PRKG1: variants seen among roughly 807,000 people sequenced by gnomAD.
PRKG1 encodes the protein cGMP-dependent protein kinase 1.
In PRKG1, 35 loss-of-function variants were observed where a neutral mutation model predicts 88.1. The observed-to-expected ratio is 0.40, with a 90% CI of 0.30 to 0.53. The LOEUF (loss-of-function observed/expected upper bound fraction) is 0.53. PRKG1 is among the 20% of genes least tolerant of loss of function. The pLI, the probability that PRKG1 is intolerant of heterozygous loss-of-function variation, is 0.59. For synonymous variants in PRKG1, 303 were observed against 292.5 expected (o/e 1.04, Z -0.37); for missense variants, 540 against 839.8 (o/e 0.64, Z 4.41).
At chr10:51,042,080 C>T (rs1843432018) in intron 1 of PRKG1, among the ~76,000 whole-genome samples, 1 of 152,144 alleles carries the variant, frequency 6.6e-6, no homozygotes, top group Non-Finnish European at 1.5e-5. Flanking sequence ...CACCTGTAAG[C>T]CCAGCTCATT....
intron 3 of PRKG1, among the ~76,000 whole-genome samples, chr10:51,538,417 T>C (rs1842217138): frequency 6.7e-6 from 1 of 148,386 alleles, no homozygotes; most frequent in Admixed American, 6.8e-5. Flanking sequence ...ATACATATAA[T>C]ATATGATATA....
chr10:51,311,968 T>C (rs990377222), intron 2 of PRKG1, among the ~76,000 whole-genome samples: 2 of 152,036 alleles, frequency 1.3e-5, no homozygotes, highest in African/African-American at 4.8e-5. Context: ...GCCTCCCGGG[T>C]TCAAGTGATT....
At chr10:51,855,340 C>A (rs773561758) in intron 4 of PRKG1, among the ~76,000 whole-genome samples, 1 of 152,112 alleles carries the variant, frequency 6.6e-6, no homozygotes, top group Non-Finnish European at 1.5e-5. Context: ...AACTGGAGAT[C>A]TTCTTGCTGG....
At chr10:52,239,556 A>C (rs1240273300) in intron 9 of PRKG1, among the ~76,000 whole-genome samples, 1 of 144,922 alleles carries the variant, frequency 6.9e-6, no homozygotes, top group Non-Finnish European at 1.5e-5. Context: ...GAATTGTCAT[A>C]ATAGGCCTGA....
chr10:51,145,021 A>T (rs1288702599), intron 1 of PRKG1, among the ~76,000 whole-genome samples: 1 of 84,194 alleles, frequency 1.2e-5, no homozygotes, highest in African/African-American at 9.6e-5. Context: ...TAAGTCAACA[A>T]GCATCTTAAC....
At chr10:52,062,905 C>A (rs759373556) in intron 7 of PRKG1, 28 of 672,900 alleles carry the variant, frequency 4.2e-5, no homozygotes, top group Non-Finnish European at 6.5e-5. Context: ...ATCTCTATAA[C>A]AACTTCAAAG....
rs149742437 is a variant in PRKG1, at chr10:51,226,756, G to A, written c.478+73426G>A. 3.0e-3 allele frequency among the ~76,000 whole-genome samples: 453 copies of A among 152,206 alleles called. 1 individual carries two copies. The highest frequency in any genetic ancestry group is 0.01 in the African/African-American group (421 of 41,536). ...TTTAATTTTTTCAAATTATGGATGT[G>A]GAGGAAGAAATGAATTAACTCTGAA... On this transcript the variant is annotated intron_variant, in intron 2 of 17. Coordinates refer to ENST00000373980, the MANE Select transcript of PRKG1 (RefSeq NM_006258.4).
chr10:51,969,674 A>C lies in PRKG1; in HGVS notation c.762+62104A>C, dbSNP rs374983835. ...ATATAAAAAGGAGCTCAAAACCATT[A>C]GTTTTCAGAGAAATGAGAAAGGCAA... is the stretch of plus-strand genomic sequence containing the variant. On this transcript the variant is annotated intron_variant, in intron 5 of 17. Transcript: ENST00000373980. Among the ~76,000 whole-genome samples the C allele has an allele frequency of 1.3e-4, 20 of 152,070 alleles. No homozygotes were observed. The East Asian group carries it at 1.7e-3, about 13-fold the overall frequency.
intron 2 of PRKG1, among the ~76,000 whole-genome samples, chr10:51,459,248 A>G (rs967424897): frequency 3.8e-4 from 58 of 152,134 alleles, no homozygotes; most frequent in African/African-American, 1.4e-3. Flanking sequence ...AACAGACTTT[A>G]CTAAGAATTT....
intron 4 of PRKG1, among the ~76,000 whole-genome samples, chr10:51,903,346 T>C (rs1238206214): frequency 6.6e-6 from 1 of 152,120 alleles, no homozygotes; most frequent in African/African-American, 2.4e-5. Flanking sequence ...TAGATGATAG[T>C]GTAGATTTAT....
chr10:51,811,541 T>C (rs945343681), intron 4 of PRKG1, among the ~76,000 whole-genome samples: 4 of 152,186 alleles, frequency 2.6e-5, no homozygotes, highest in African/African-American at 7.2e-5. Context: ...ATTCTACTGA[T>C]GAGAGAACTG....
At chr10:51,219,098 A>G (rs1174340841) in intron 2 of PRKG1, among the ~76,000 whole-genome samples, 1 of 152,222 alleles carries the variant, frequency 6.6e-6, no homozygotes, top group Non-Finnish European at 1.5e-5. Context: ...TTTAATGAAT[A>G]TGAAATTTTA....
intron 9 of PRKG1, among the ~76,000 whole-genome samples, chr10:52,243,592 A>T (rs1434989690): frequency 6.6e-6 from 1 of 152,202 alleles, no homozygotes; most frequent in Non-Finnish European, 1.5e-5. Context: ...ATAAGCATAA[A>T]TATGCTATGA....
intron 5 of PRKG1, among the ~76,000 whole-genome samples, chr10:51,950,459 A>T (rs1280278425): frequency 1.3e-5 from 2 of 152,224 alleles, no homozygotes; most frequent in Non-Finnish European, 2.9e-5. Flanking sequence ...TCTTTCGGCC[A>T]CTTTGCCAGA....
intron 2 of PRKG1, among the ~76,000 whole-genome samples, chr10:51,411,560 A>C (rs541633513): frequency 6.6e-6 from 1 of 152,342 alleles, no homozygotes; most frequent in South Asian, 2.1e-4. Flanking sequence ...AACATGAAGC[A>C]GAGAGAAAGG....
chr10:51,473,167 A>G (rs867245331), intron 3 of PRKG1, among the ~76,000 whole-genome samples: 1 of 151,964 alleles, frequency 6.6e-6, no homozygotes, highest in Non-Finnish European at 1.5e-5. Context: ...TTGTGAAATT[A>G]GTAACATAAA....
intron 3 of PRKG1, among the ~76,000 whole-genome samples, chr10:51,493,865 G>C (rs189443783): frequency 6.6e-6 from 1 of 152,170 alleles, no homozygotes; most frequent in East Asian, 1.9e-4. Flanking sequence ...GAAAACTGAG[G>C]ATTCCTTCCA....
At chr10:51,247,726 C>A (rs1190705591) in intron 2 of PRKG1, among the ~76,000 whole-genome samples, 3 of 151,908 alleles carry the variant, frequency 2.0e-5, no homozygotes, top group Non-Finnish European at 4.4e-5. Flanking sequence ...CCACCTATAT[C>A]CCATATTGCT....
chr10:51,526,945 T>C (rs1409284227), intron 3 of PRKG1, among the ~76,000 whole-genome samples: 1 of 152,194 alleles, frequency 6.6e-6, no homozygotes, highest in Non-Finnish European at 1.5e-5. Flanking sequence ...TGGCAAACTT[T>C]TGCTAGAAGG....
Sources: allele counts gnomAD v4.1 joint callset (sites outside exome capture counted in the v4.1 genomes callset), GRCh38; gene constraint gnomAD v4.1.1; transcripts MANE v1.5; gene names NCBI Gene and HGNC (gene_info 2026-07-23, HGNC 2026-07-21).